Variants in KLHL2 observed in about 807,000 individuals in gnomAD.
The protein encoded by KLHL2 is kelch like family member 2, also known as kelch-like protein 2.
A neutral mutation model predicts 75.8 loss-of-function variants in KLHL2; 15 were observed. That is an observed-to-expected ratio of 0.20 (90% CI 0.13 to 0.30). KLHL2 has a LOEUF of 0.30. Ranked by LOEUF, KLHL2 falls within the 10% of genes least tolerant of loss-of-function variation. KLHL2 has a pLI of 1.00. For synonymous variants in KLHL2, 214 were observed against 251.9 expected, an observed-to-expected ratio of 0.85 and a Z score of 1.42; for missense variants, 381 against 741.0, an observed-to-expected ratio of 0.51 and a Z score of 5.64.
intron 5 of KLHL2, among the ~76,000 whole-genome samples, chr4:165,290,016 CTT>C (rs1290818138): frequency 6.6e-6 from 1 of 152,160 alleles, no homozygotes; most frequent in African/African-American, 2.4e-5. Flanking sequence ...GTTAGCTTCT[CTT>C]TTGTTCAGTG....
At chr4:165,293,243 G>A (rs988973928) in intron 5 of KLHL2, among the ~76,000 whole-genome samples, 1 of 152,108 alleles carries the variant, frequency 6.6e-6, no homozygotes, top group African/African-American at 2.4e-5. Flanking sequence ...GATGGAGGAC[G>A]TATCGGATAT....
At chr4:165,255,910 C>T (rs1035456337) in intron 4 of KLHL2, among the ~76,000 whole-genome samples, 1 of 152,014 alleles carries the variant, frequency 6.6e-6, no homozygotes, top group Non-Finnish European at 1.5e-5. Flanking sequence ...TAGTCTCTTC[C>T]TAATAAGCAA....
At chr4:165,298,955 C>G (rs1311225933) in intron 7 of KLHL2, among the ~76,000 whole-genome samples, 2 of 144,986 alleles carry the variant, frequency 1.4e-5, no homozygotes, top group African/African-American at 5.0e-5. Flanking sequence ...CCTCCCCCCC[C>G]AGAAAAAAGA....
chr4:165,310,438 C>T lies in KLHL2; in HGVS notation c.1040-115C>T, dbSNP rs866034622. 3.3e-5 allele frequency: 27 copies of T among 824,270 alleles called. No homozygotes were observed. The Middle Eastern group carries it at 1.9e-3, about 57-fold the overall frequency. The allele number at this position is 824,270 out of a possible 1,614,324, so 51.1% of individuals were successfully genotyped here. The stretch of plus-strand genomic sequence containing the variant: ...TTTCAAGGATTTATTTAATCAGGCT[C>T]CTCCTAAGAGTAGCATGTTCTGACA... On this transcript the variant is annotated intron_variant, in intron 9 of 14. Coordinates refer to ENST00000226725, the MANE Select transcript of KLHL2 (RefSeq NM_007246.4).
At chr4:165,216,715 C>G (rs1397046808) in intron 1 of KLHL2, among the ~76,000 whole-genome samples, 1 of 152,120 alleles carries the variant, frequency 6.6e-6, no homozygotes, top group East Asian at 1.9e-4. Context: ...GAGAAGCCAT[C>G]TAACACAAAG....
intron 13 of KLHL2, among the ~76,000 whole-genome samples, chr4:165,316,038 T>G (rs1032203275): frequency 2.0e-5 from 3 of 152,196 alleles, no homozygotes; most frequent in African/African-American, 7.2e-5. Flanking sequence ...CTGAATAAAC[T>G]GGAACCATCA....
chr4:165,245,643 T>A (rs2111137581), intron 4 of KLHL2, among the ~76,000 whole-genome samples: 1 of 152,212 alleles, frequency 6.6e-6, no homozygotes, highest in East Asian at 1.9e-4. Context: ...GGCAGCAAGA[T>A]TAACGCCAGA....
intron 12 of KLHL2, 128 bp from the exon 13 acceptor site, chr4:165,313,898 A>T: frequency 1.3e-6 from 1 of 794,852 alleles, no homozygotes; most frequent in Non-Finnish European, 2.0e-6. Flanking sequence ...TGTAGGCTAT[A>T]GTATCAGCTT....
At chr4:165,308,709 G>A (rs1323450931) in intron 9 of KLHL2, among the ~76,000 whole-genome samples, 1 of 152,154 alleles carries the variant, frequency 6.6e-6, no homozygotes, top group African/African-American at 2.4e-5. Context: ...GTAGAGAAAG[G>A]AAAATGAAAA....
rs572382785 is a variant in KLHL2, at chr4:165,257,138, A to G, written c.382-6059A>G. Among the ~76,000 whole-genome samples, 95 of 152,244 alleles carry G rather than the reference A, an allele frequency of 6.2e-4. 1 individual carries two copies. Among genetic ancestry groups the G allele is most frequent in the Non-Finnish European group, 1.2e-3 (82 of 68,050 alleles). On this transcript the variant is annotated intron_variant, in intron 4 of 14. Transcript: ENST00000226725. Reference sequence around the variant, plus strand: ...TTCGCAGTTTGTTCCATTGTGTAATATAACAGCTTGGGGTCCTTCTGCAAG... The same window carrying G: ...TTCGCAGTTTGTTCCATTGTGTAATGTAACAGCTTGGGGTCCTTCTGCAAG...
intron 14 of KLHL2, among the ~76,000 whole-genome samples, chr4:165,320,923 G>A (rs565423180): frequency 2.2e-4 from 34 of 152,300 alleles, no homozygotes; most frequent in African/African-American, 7.9e-4. Flanking sequence ...ATGACTCGAC[G>A]GAGATGAGTG....
At chr4:165,279,091 A>G (rs1743422389) in intron 5 of KLHL2, 6 of 1,572,124 alleles carry the variant, frequency 3.8e-6, no homozygotes, top group Non-Finnish European at 5.3e-6. Flanking sequence ...CTCCTGTCAA[A>G]CTCCAAATAA....
intron 5 of KLHL2, among the ~76,000 whole-genome samples, chr4:165,286,460 GA>G (rs952640645): frequency 2.6e-5 from 4 of 152,104 alleles, no homozygotes; most frequent in African/African-American, 9.7e-5. Context: ...GAATCAAAAG[GA>G]GGCTGAAGGC....
At chr4:165,240,730 A>T (rs1325000173) in intron 4 of KLHL2, among the ~76,000 whole-genome samples, 1 of 152,192 alleles carries the variant, frequency 6.6e-6, no homozygotes, top group Non-Finnish European at 1.5e-5. Context: ...CATGGGCCTC[A>T]TTATGTCCTT....
At chr4:165,249,954 C>G (rs1359577712) in intron 4 of KLHL2, among the ~76,000 whole-genome samples, 1 of 152,082 alleles carries the variant, frequency 6.6e-6, no homozygotes. Context: ...GAAACCCCGT[C>G]TCTACTAAAA....
chr4:165,299,221 G>A lies in KLHL2; in HGVS notation c.772-286G>A, dbSNP rs72997703. 3.9e-3 allele frequency among the ~76,000 whole-genome samples: 589 copies of A among 152,196 alleles called. 5 individuals are homozygous for A. Among genetic ancestry groups the A allele is most frequent in the African/African-American group, 0.013 (560 of 41,524 alleles). ...AGATACACAGGTGGATATAATATCC[G>A]AAGAGTTCATCATATTCCATAGCTA... On this transcript the variant is annotated intron_variant, in intron 7 of 14. Transcript: ENST00000226725.
intron 1 of KLHL2, among the ~76,000 whole-genome samples, chr4:165,210,812 A>T (rs903689754): frequency 2.0e-5 from 3 of 152,326 alleles, no homozygotes; most frequent in African/African-American, 2.4e-5. Context: ...GGATTTTCAT[A>T]ATAAGTTGAA....
chr4:165,237,936 C>CG (rs1172029156), intron 3 of KLHL2, among the ~76,000 whole-genome samples: 2 of 152,222 alleles, frequency 1.3e-5, no homozygotes, highest in Non-Finnish European at 2.9e-5. Context: ...TTGCCTCCTA[C>CG]TCTCCCCAAG....
intron 14 of KLHL2, chr4:165,321,436 T>C: frequency 2.6e-6 from 1 of 391,084 alleles, no homozygotes; most frequent in East Asian, 7.2e-5. Context: ...TGTAGCTTAC[T>C]TTAAGAATAC....
Sources: gnomAD v4.1 joint callset for allele counts (sites outside exome capture counted in the v4.1 genomes callset) on GRCh38, gnomAD v4.1.1 for gene constraint, MANE v1.5 for transcripts, NCBI Gene and HGNC (gene_info 2026-07-23, HGNC 2026-07-21) for gene names.